LSAMP: variants seen among roughly 807,000 people sequenced by gnomAD.
LSAMP encodes limbic system associated membrane protein, also known as limbic system-associated membrane protein.
A neutral mutation model predicts 38.6 loss-of-function variants in LSAMP; 7 were observed. The ratio of observed to expected loss-of-function variants is 0.18; its 90% CI spans 0.10 to 0.34. The LOEUF (loss-of-function observed/expected upper bound fraction) is 0.34. Ranked by LOEUF, LSAMP falls within the 10% of genes least tolerant of loss-of-function variation. The pLI is 1.00. For synonymous variants in LSAMP, 154 were observed against 166.8 expected (o/e 0.92, Z 0.59); for missense variants, 313 against 420.0 (o/e 0.75, Z 2.23).
intron 1 of LSAMP, among the ~76,000 whole-genome samples, chr3:116,204,641 C>G (rs943981687): frequency 6.6e-6 from 1 of 152,044 alleles, no homozygotes; most frequent in Non-Finnish European, 1.5e-5. Flanking sequence ...TTTCCCAGCA[C>G]CATTTATTAA....
intron 3 of LSAMP, among the ~76,000 whole-genome samples, chr3:115,865,417 G>A (rs999374651): frequency 6.6e-6 from 1 of 152,148 alleles, no homozygotes. Context: ...ATAAGTCTCT[G>A]TAGATGTCTT....
At chr3:116,108,002 C>T (rs1708507405) in intron 1 of LSAMP, among the ~76,000 whole-genome samples, 1 of 152,082 alleles carries the variant, frequency 6.6e-6, no homozygotes, top group African/African-American at 2.4e-5. Context: ...AAAGGCCATG[C>T]TGTAGCAGGC....
chr3:115,937,941 A>G (rs1203344478), intron 3 of LSAMP, among the ~76,000 whole-genome samples: 1 of 152,174 alleles, frequency 6.6e-6, no homozygotes. Flanking sequence ...TTAATTTACT[A>G]TTGTGTGGAC....
chr3:116,392,757 C>CCTCTG (rs2048720870), intron 1 of LSAMP, among the ~76,000 whole-genome samples: 1 of 152,196 alleles, frequency 6.6e-6, no homozygotes, highest in Non-Finnish European at 1.5e-5. Flanking sequence ...ATGGACCAAT[C>CCTCTG]AGCATACACT....
chr3:116,081,407 C>T (rs986012124), intron 2 of LSAMP, among the ~76,000 whole-genome samples: 3 of 151,390 alleles, frequency 2.0e-5, no homozygotes, highest in Non-Finnish European at 2.9e-5. Flanking sequence ...TGAGCCAAGA[C>T]GGTGCCACTG....
intron 1 of LSAMP, among the ~76,000 whole-genome samples, chr3:116,314,139 A>G (rs1014493784): frequency 1.6e-4 from 25 of 152,232 alleles, no homozygotes; most frequent in African/African-American, 5.8e-4. Flanking sequence ...GCCAACCTAG[A>G]ACTAGAGATT....
intron 6 of LSAMP, among the ~76,000 whole-genome samples, chr3:115,834,348 T>C (rs1341431119): frequency 1.3e-5 from 2 of 152,130 alleles, no homozygotes; most frequent in Admixed American, 6.6e-5. Flanking sequence ...ACTGACCAAT[T>C]TGAAGATGAG....
intron 6 of LSAMP, among the ~76,000 whole-genome samples, chr3:115,827,866 C>T (rs1934476250): frequency 6.6e-6 from 1 of 152,146 alleles, no homozygotes; most frequent in African/African-American, 2.4e-5. Flanking sequence ...TTCTTCACAG[C>T]AGTATACAAG....
At chr3:116,113,198 T>C (rs1251682790) in intron 1 of LSAMP, among the ~76,000 whole-genome samples, 1 of 151,726 alleles carries the variant, frequency 6.6e-6, no homozygotes, top group African/African-American at 2.4e-5. Context: ...GAAAATTCTC[T>C]AATAGACATT....
chr3:116,159,109 G>A, intron 1 of LSAMP, among the ~76,000 whole-genome samples: 1 of 152,028 alleles, frequency 6.6e-6, no homozygotes, highest in East Asian at 1.9e-4. Context: ...ATCAACTAAA[G>A]ACAGATTGAA....
At position 116,002,188 on chromosome 3, in the gene LSAMP, G is replaced by A. The variant is rs574208113; in HGVS notation, c.514+17327C>T. Among the ~76,000 whole-genome samples the A allele has an allele frequency of 1.5e-4, 23 of 152,264 alleles. No individual in the cohort carries two copies. In the South Asian group the frequency reaches 4.6e-3, roughly 30 times the overall value. On this transcript the variant is annotated intron_variant, in intron 3 of 6. Transcript: ENST00000490035. The stretch of plus-strand genomic sequence containing the variant: ...CACCTTGCCCTGGTCCAAACCAGCA[G>A]GAGACAGGCTCCCCTGGCAATTGCC...
At chr3:115,942,322 T>C (rs1937949797) in intron 3 of LSAMP, among the ~76,000 whole-genome samples, 1 of 152,160 alleles carries the variant, frequency 6.6e-6, no homozygotes, top group Admixed American at 6.6e-5. Flanking sequence ...GTATCCCTTT[T>C]AAAAGTGCAA....
intron 6 of LSAMP, among the ~76,000 whole-genome samples, chr3:115,812,695 G>C (rs1933876824): frequency 6.6e-6 from 1 of 152,156 alleles, no homozygotes; most frequent in African/African-American, 2.4e-5. Flanking sequence ...AGCCATAGAG[G>C]GTTAGGCAGA....
At chr3:116,372,742 T>C (rs2048445595) in intron 1 of LSAMP, among the ~76,000 whole-genome samples, 1 of 151,592 alleles carries the variant, frequency 6.6e-6, no homozygotes, top group African/African-American at 2.4e-5. Flanking sequence ...TAGACATTTA[T>C]CTAAAGAAGA....
chr3:115,814,994 C>G (rs1933968273), intron 6 of LSAMP, among the ~76,000 whole-genome samples: 1 of 152,126 alleles, frequency 6.6e-6, no homozygotes. Context: ...TCTGCCAGTA[C>G]AGCTTCCTCT....
intron 1 of LSAMP, among the ~76,000 whole-genome samples, chr3:116,293,043 G>T (rs958621883): frequency 1.3e-5 from 2 of 152,082 alleles, no homozygotes; most frequent in Non-Finnish European, 2.9e-5. Context: ...GCCCAAAGAG[G>T]TTCATTTTAA....
At chr3:115,852,812 T>G (rs1316309051) in intron 3 of LSAMP, among the ~76,000 whole-genome samples, 195 bp from the exon 4 acceptor site, 1 of 152,088 alleles carries the variant, frequency 6.6e-6, no homozygotes, top group South Asian at 2.1e-4. Context: ...GAAAATACTC[T>G]CAGGAAAAAC....
At chr3:116,398,451 G>A (rs986071671) in intron 1 of LSAMP, among the ~76,000 whole-genome samples, 9 of 152,070 alleles carry the variant, frequency 5.9e-5, no homozygotes, top group African/African-American at 1.4e-4. Flanking sequence ...ATGAATCAAC[G>A]GATAATTTGA....
At chr3:116,079,115 C>T (rs1157987225) in intron 2 of LSAMP, among the ~76,000 whole-genome samples, 1 of 152,214 alleles carries the variant, frequency 6.6e-6, no homozygotes, top group Non-Finnish European at 1.5e-5. Flanking sequence ...CACATTTATA[C>T]TATCTTCTCC....
Sources: gnomAD v4.1 joint callset for allele counts (sites outside exome capture counted in the v4.1 genomes callset) on GRCh38, gnomAD v4.1.1 for gene constraint, MANE v1.5 for transcripts, NCBI Gene and HGNC (gene_info 2026-07-23, HGNC 2026-07-21) for gene names.